NOP53: variants seen among roughly 807,000 people sequenced by gnomAD.
NOP53 encodes the protein NOP53 ribosome biogenesis factor, also known as ribosome biogenesis protein NOP53.
In NOP53, 40 loss-of-function variants were observed where a neutral mutation model predicts 61.0. The ratio of observed to expected loss-of-function variants is 0.66; its 90% CI spans 0.51 to 0.85. NOP53 has a LOEUF of 0.85. NOP53 is among the 40% of genes least tolerant of loss of function. The pLI is 0.00. For synonymous variants in NOP53, 308 were observed against 289.5 expected (o/e 1.06, Z -0.65); for missense variants, 689 against 652.9 (o/e 1.06, Z -0.60).
At chr19:47,751,450 T>G in intron 4 of NOP53, 70 bp from the exon 5 acceptor site, 1 of 1,188,580 alleles carries the variant, frequency 8.4e-7, no homozygotes, top group Non-Finnish European at 1.3e-6. Flanking sequence ...TGTGGAGGGA[T>G]TGGGGGGGAG....
rs1048844434 is a variant in NOP53 at position 47,754,996 on chromosome 19, A to G, written c.1053+105A>G. The G allele has an allele frequency of 1.9e-5, 20 of 1,068,066 alleles. No homozygotes were observed. Among genetic ancestry groups the G allele is most frequent in the South Asian group, 6.9e-5 (4 of 58,062 alleles). The allele number at this position is 1,068,066 out of a possible 1,614,324, so 66.2% of individuals were successfully genotyped here. On this transcript the variant is annotated intron_variant, in intron 8 of 12. Coordinates refer to ENST00000246802, the MANE Select transcript of NOP53 (RefSeq NM_015710.5). This position sits in a 1 kb window ranked among gnomAD's most constrained non-coding sequence, Gnocchi z 4.2. ...TGCTGCGGGCAGCCTGCACACCCCA[A>G]GCCCCGCATGTGGCCTGTGGTTTGG...
intron 2 of NOP53, among the ~76,000 whole-genome samples, chr19:47,748,050 G>A (rs1599913438): frequency 6.6e-6 from 1 of 151,800 alleles, no homozygotes; most frequent in East Asian, 1.9e-4. Flanking sequence ...AAAGTGCTGG[G>A]ATTACAGGCA....
At chr19:47,750,569 G>T (rs947090507) in intron 3 of NOP53, among the ~76,000 whole-genome samples, 1 of 152,106 alleles carries the variant, frequency 6.6e-6, no homozygotes, top group African/African-American at 2.4e-5. Context: ...GGGCATGAGC[G>T]GGTGAGAGGG....
chr19:47,746,934 C>T lies in NOP53; in HGVS notation c.225-33C>T, dbSNP rs372716740. On this transcript the variant is annotated intron_variant, in intron 1 of 12. Coordinates refer to ENST00000246802, the MANE Select transcript of NOP53 (RefSeq NM_015710.5). ...GTTAAATCTCTTTCCTCTCCAACAT[C>T]TCTGGCTGATGTTCTGCATTTCTGT... is the stretch of plus-strand genomic sequence containing the variant. The T allele has an allele frequency of 6.9e-6, 11 of 1,586,978 alleles. No homozygotes were observed. In the African/African-American group the frequency reaches 1.2e-4, roughly 17 times the overall value.
At position 47,745,556 on chromosome 19, in the gene NOP53, C is replaced by T; in HGVS notation, c.-4C>T. 1 of 1,613,100 alleles carries T rather than the reference C, an allele frequency of 6.2e-7. No homozygotes were observed. Among genetic ancestry groups the T allele is most frequent in the Non-Finnish European group, 8.5e-7 (1 of 1,179,516 alleles). On this transcript the variant is annotated 5_prime_UTR_variant, in exon 1 of 13. Transcript: ENST00000246802. ...GCCAGTGGCTGAGTTCTTCCTTTGA[C>T]AAGATGGCGGCAGGAGGCAGTGGCG...
intron 9 of NOP53, 103 bp from the exon 10 acceptor site, chr19:47,755,652 AC>A: frequency 7.4e-7 from 1 of 1,353,734 alleles, no homozygotes; most frequent in Non-Finnish European, 1.0e-6. Context: ...CCCCCACAAA[AC>A]CCCACATTCT....
At position 47,750,968 on chromosome 19, in the gene NOP53, G is replaced by C. The variant is rs1221549016; in HGVS notation, c.459G>C (p.Glu153Asp). Reference protein sequence around the residue: ...KKLRRKEQLWEKLAKQGELPR... With the variant: ...KKLRRKEQLWDKLAKQGELPR... ...TCAGGCGGAAGGAGCAGCTATGGGA[G>C]AAGCTGGCCAAGCAGGGCGAGCTGC... The change falls in exon 4 of 13, where the codon GAG (glutamate) becomes GAC (aspartate). Residue 153 changes from glutamate (E) to aspartate (D), a missense_variant. Glu to Asp is a conservative substitution (Grantham distance 45). Coordinates refer to ENST00000246802, the MANE Select transcript of NOP53 (RefSeq NM_015710.5). The C allele has an allele frequency of 6.3e-7, 1 of 1,599,064 alleles. No individual in the cohort carries two copies. Among genetic ancestry groups the C allele is most frequent in the Non-Finnish European group, 8.5e-7 (1 of 1,174,062 alleles).
intron 6 of NOP53, 152 bp downstream of exon 6, chr19:47,752,759 T>A: frequency 1.7e-6 from 1 of 602,326 alleles, no homozygotes. Context: ...AGAGACCTGT[T>A]CCCAGACAGT....
At chr19:47,756,171 C>T (rs1568601129) in intron 10 of NOP53, 3 of 509,770 alleles carry the variant, frequency 5.9e-6, no homozygotes, top group Non-Finnish European at 1.1e-5. Flanking sequence ...AAGCCCAGCT[C>T]CTCTGTCAGC....
In NOP53 at chr19:47,754,321, C is replaced by T. The variant is rs377031072; in HGVS notation, c.766-206C>T. The T allele has an allele frequency of 6.3e-5, 36 of 570,998 alleles. No homozygotes were observed. The highest frequency in any genetic ancestry group is 2.8e-4 in the East Asian group (10 of 35,402). The allele number at this position is 570,998 out of a possible 1,614,324, so 35.4% of individuals were successfully genotyped here. A position where few individuals can be genotyped will look rare whatever the true frequency, so the allele number is the denominator to read the frequency against. On this transcript the variant is annotated intron_variant, in intron 6 of 12. Transcript: ENST00000246802. The surrounding 1 kb of genome is among the most constrained non-coding windows in gnomAD (Gnocchi z 4.2). Reference sequence around the variant, plus strand: ...GTGCAGGTCAGACTGCCTTCACAGACGTGCAGAGCAGGTGTGAGGGCGAGG... The same window carrying T: ...GTGCAGGTCAGACTGCCTTCACAGATGTGCAGAGCAGGTGTGAGGGCGAGG...
intron 3 of NOP53, among the ~76,000 whole-genome samples, chr19:47,750,569 G>A (rs947090507): frequency 2.0e-5 from 3 of 152,106 alleles, no homozygotes; most frequent in East Asian, 1.9e-4. Flanking sequence ...GGGCATGAGC[G>A]GGTGAGAGGG....
At chr19:47,755,644 C>G in intron 9 of NOP53, 112 bp from the exon 10 acceptor site, 2 of 1,329,592 alleles carry the variant, frequency 1.5e-6, no homozygotes, top group Non-Finnish European at 2.1e-6. Context: ...CACCTCTTCC[C>G]CCACAAAACC....
In NOP53 at chr19:47,745,715, T is replaced by G; in HGVS notation, c.156T>G (p.Ala52=). Reference sequence around the variant, plus strand: ...AGAAGCGGGGCTGGCGGCGGCTTGCTCAGGAGCCGCTGGGGCTGGAGGTTG... The same window carrying G: ...AGAAGCGGGGCTGGCGGCGGCTTGCGCAGGAGCCGCTGGGGCTGGAGGTTG... The part of the protein sequence containing the change: ...RNKKRGWRRL[A]QEPLGLEVDQ... Residue 52 remains alanine, a synonymous_variant, in exon 1 of 13, where the codon GCT becomes GCG. Transcript: ENST00000246802. The G allele has an allele frequency of 6.2e-7, 1 of 1,610,946 alleles. No homozygotes were observed.
Position 47,755,432 on chromosome 19 carries a change from C to A in NOP53, c.1138C>A (p.Leu380Met), listed in dbSNP as rs939353251. ...RLRGIKAQVALRLAELARRQR... is the reference protein window; with the variant it reads ...RLRGIKAQVAMRLAELARRQR... ...GCGCGGGATCAAGGCCCAGGTGGCC[C>A]TGAGGCTGGCGGAGCTGGCGCGGCG... The change falls in exon 9 of 13, where the codon CTG (leucine) becomes ATG (methionine). Residue 380 changes from leucine to methionine, a missense_variant. By Grantham distance (15) the Leu-to-Met change is conservative. Transcript: ENST00000246802. 9 of 1,529,396 alleles carry A rather than the reference C, an allele frequency of 5.9e-6. No individual in the cohort carries two copies. The African/African-American group carries it at 9.9e-5, about 17-fold the overall frequency. 94.7% of individuals were successfully genotyped at this position (1,529,396 alleles called of 1,614,324 possible). A position where few individuals can be genotyped will look rare whatever the true frequency, so the allele number is the denominator to read the frequency against.
chr19:47,750,935 C>G lies in NOP53; in HGVS notation c.426C>G (p.Ala142=). 1 of 1,596,450 alleles carries G rather than the reference C, an allele frequency of 6.3e-7. No homozygotes were observed. Among genetic ancestry groups the G allele is most frequent in the South Asian group, 1.1e-5 (1 of 88,052 alleles). ...TCCTCGCCCACCAGGTCCCCAACGC[C>G]AAGAAGCTCAGGCGGAAGGAGCAGC... ...KDVLAHQVPN[A]KKLRRKEQLW... is the part of the protein sequence containing the mutation. Residue 142 remains alanine (A), a synonymous_variant, in exon 4 of 13, where the codon GCC becomes GCG. Coordinates refer to ENST00000246802, the MANE Select transcript of NOP53 (RefSeq NM_015710.5).
rs1568600131 is a variant in NOP53 at position 47,754,645 on chromosome 19, C to T, written c.870+14C>T. Reference sequence around the variant, plus strand: ...GCCGCCACCCAGGTGAGCCCCGCACCTGCCCACTCCCTCCCCTCCCCGGGC... The same window carrying T: ...GCCGCCACCCAGGTGAGCCCCGCACTTGCCCACTCCCTCCCCTCCCCGGGC... On this transcript the variant is annotated intron_variant, in intron 7 of 12. Coordinates refer to ENST00000246802, the MANE Select transcript of NOP53 (RefSeq NM_015710.5). The surrounding 1 kb of genome is among the most constrained non-coding windows in gnomAD (Gnocchi z 4.2). The T allele has an allele frequency of 6.5e-7, 1 of 1,545,902 alleles. No homozygotes were observed. The highest frequency in any genetic ancestry group is 1.2e-5 in the South Asian group (1 of 83,902).
At chr19:47,747,706 C>T (rs1298870383) in intron 2 of NOP53, among the ~76,000 whole-genome samples, 5 of 151,580 alleles carry the variant, frequency 3.3e-5, no homozygotes, top group South Asian at 4.2e-4. Context: ...ATTCTCCTGC[C>T]TCAGCCTCCC....
At position 47,747,000 on chromosome 19, in the gene NOP53, C is replaced by G. The variant is rs370540820; in HGVS notation, c.258C>G (p.Leu86=). 1.1e-4 allele frequency: 175 copies of G among 1,613,778 alleles called. No homozygotes were observed. The highest frequency in any genetic ancestry group is 1.4e-4 in the Non-Finnish European group (169 of 1,179,830). Residue 86 remains leucine, a synonymous_variant, in exon 2 of 13, where the codon CTC becomes CTG. Transcript: ENST00000246802. ...GLLSEAPNEK[L]FFVDTGSKEK... is the part of the protein sequence containing the mutation. ...TGTCAGAGGCCCCAAATGAAAAACT[C>G]TTCTTCGTGGACACTGGCTCCAAGG...
intron 2 of NOP53, among the ~76,000 whole-genome samples, chr19:47,749,017 C>G (rs973066173): frequency 4.0e-5 from 6 of 151,850 alleles, no homozygotes; most frequent in African/African-American, 1.4e-4. Context: ...CAAAATTAGC[C>G]GAGCGTGGTG....
Sources: gnomAD v4.1 joint callset for allele counts (sites outside exome capture counted in the v4.1 genomes callset) on GRCh38, gnomAD v4.1.1 for gene constraint, Gnocchi (gnomAD v3.1) non-coding constraint, MANE v1.5 for transcripts, NCBI Gene and HGNC (gene_info 2026-07-23, HGNC 2026-07-21) for gene names.